The following RLF variants were observed in gnomAD, a reference collection of about 807,000 sequenced individuals.
RLF encodes the protein RLF zinc finger.
A neutral mutation model predicts 162.9 loss-of-function variants in RLF; 7 were observed. The observed-to-expected ratio is 0.04, with a 90% CI of 0.02 to 0.08. The LOEUF (loss-of-function observed/expected upper bound fraction) is 0.08, where lower values mean the gene tolerates loss of function less well. RLF is among the 10% of genes least tolerant of loss of function. The pLI is 1.00. For synonymous variants in RLF, 782 were observed against 791.5 expected (o/e 0.99, Z 0.20); for missense variants, 1,664 against 2,244.7 (o/e 0.74, Z 5.23).
chr1:40,176,273 C>A (rs563422126), intron 1 of RLF, among the ~76,000 whole-genome samples: 1 of 152,304 alleles, frequency 6.6e-6, no homozygotes, highest in South Asian at 2.1e-4. Flanking sequence ...GGTGGAATGG[C>A]TGGGTCAGAT....
rs191684820 is a variant in RLF at position 40,209,009 on chromosome 1, C to T, written c.810+6395C>T. Among the ~76,000 whole-genome samples, 232 of 152,282 alleles carry T rather than the reference C, an allele frequency of 1.5e-3. 1 individual carries two copies. The highest frequency in any genetic ancestry group is 5.4e-3 in the African/African-American group (223 of 41,540). On this transcript the variant is annotated intron_variant, in intron 5 of 7. Coordinates refer to ENST00000372771, the MANE Select transcript of RLF (RefSeq NM_012421.4). ...TCATGTACATGATCCAACTCACTGT[C>T]ACTGCCAACCTTCTGGTTCTTTCTG... is the stretch of plus-strand genomic sequence containing the variant.
Position 40,240,588 on chromosome 1 carries a change from A to G in RLF, c.*141A>G, listed in dbSNP as rs1338720700. 1.6e-5 allele frequency: 10 copies of G among 632,768 alleles called. No individual in the cohort carries two copies. Among genetic ancestry groups the G allele is most frequent in the Middle Eastern group, 2.5e-4 (1 of 3,936 alleles). 39.2% of individuals were successfully genotyped at this position (632,768 alleles called of 1,614,324 possible). ...GTATTTACATGAATGTATAATATCT[A>G]TGTCAGCAGTATTGGCTGAGTCCAT... On this transcript the variant is annotated 3_prime_UTR_variant, in exon 8 of 8. Transcript: ENST00000372771.
chr1:40,224,622 G>GT (rs1557757506), intron 6 of RLF, among the ~76,000 whole-genome samples: 60 of 13,424 alleles, frequency 4.5e-3, no homozygotes, highest in South Asian at 5.7e-3. Flanking sequence ...GTTTTTGAAA[G>GT]CTTTTTTTTT....
At chr1:40,189,470 C>T (rs1194431302) in intron 2 of RLF, among the ~76,000 whole-genome samples, 1 of 152,116 alleles carries the variant, frequency 6.6e-6, no homozygotes, top group Non-Finnish European at 1.5e-5. Context: ...ATTTCTATCC[C>T]TTAGGTATAG....
intron 3 of RLF, among the ~76,000 whole-genome samples, chr1:40,193,938 G>A (rs114191167): frequency 1.1e-3 from 162 of 152,206 alleles, no homozygotes; most frequent in African/African-American, 3.5e-3. Flanking sequence ...GGAAGCTTAT[G>A]TTCCTAGAGA....
chr1:40,225,110 A>G (rs1238330759), intron 6 of RLF, among the ~76,000 whole-genome samples: 2 of 152,174 alleles, frequency 1.3e-5, no homozygotes, highest in Non-Finnish European at 2.9e-5. Context: ...AAAATTTTAA[A>G]TTAAGTGGTA....
chr1:40,195,449 TAAA>T (rs75503457), intron 3 of RLF, among the ~76,000 whole-genome samples, 180 bp from the exon 4 acceptor site: 2 of 141,784 alleles, frequency 1.4e-5, no homozygotes, highest in African/African-American at 2.6e-5. Context: ...ATTCTGTCTT[TAAA>T]AAAAAAAAAA....
chr1:40,232,216 TAAAAAA>T (rs536086286), intron 7 of RLF, among the ~76,000 whole-genome samples: 1 of 140,824 alleles, frequency 7.1e-6, no homozygotes, highest in African/African-American at 2.6e-5. Flanking sequence ...TTTTTTTTTT[TAAAAAA>T]AAAAAAAAGA....
rs1643249797 is a variant in RLF at position 40,238,711 on chromosome 1, TACA to T, written c.4014_4016del (p.Asn1338del). The T allele has an allele frequency of 6.2e-7, 1 of 1,613,820 alleles. No homozygotes were observed. On this transcript the variant is annotated inframe_deletion, in exon 8 of 8. Transcript: ENST00000372771. The surrounding 1 kb of genome is among the most constrained non-coding windows in gnomAD (Gnocchi z 5.2). ...TCGCCATTACAGAACTGTACATCAG[TACA>T]ACAAAGAACAGTTATGTTTGGAGAA...
rs529374639 is a variant in RLF at position 40,169,709 on chromosome 1, T to G, written c.237+8073T>G. ...GTTGGGATAAGCTTTTTTTTTTTTT[T>G]GAGATGAAGTTTCGCTTTTGTTGCC... is the stretch of plus-strand genomic sequence containing the variant. On this transcript the variant is annotated intron_variant, in intron 1 of 7. Transcript: ENST00000372771. 5.4e-5 allele frequency among the ~76,000 whole-genome samples: 8 copies of G among 147,922 alleles called. No individual in the cohort carries two copies. In the South Asian group the frequency reaches 1.7e-3, roughly 31 times the overall value.
chr1:40,163,077 G>A (rs1642118685), intron 1 of RLF, among the ~76,000 whole-genome samples: 1 of 152,094 alleles, frequency 6.6e-6, no homozygotes, highest in African/African-American at 2.4e-5. Context: ...TGAGGAGAGA[G>A]CCTTCATGGG....
chr1:40,213,278 T>G (rs1473429893), intron 5 of RLF, among the ~76,000 whole-genome samples: 1 of 152,210 alleles, frequency 6.6e-6, no homozygotes. Context: ...TCATGGGTTA[T>G]GTGTGGGTAT....
At chr1:40,222,291 A>G (rs1421028672) in intron 5 of RLF, among the ~76,000 whole-genome samples, 2 of 152,230 alleles carry the variant, frequency 1.3e-5, no homozygotes, top group Non-Finnish European at 2.9e-5. Flanking sequence ...ACCTGAGATT[A>G]TTATATATAA....
In RLF at chr1:40,200,914, A is replaced by AGTGGTTTAT. The variant is rs1557748507; in HGVS notation, c.608-1498_608-1497insGTGGTTTAT. Among the ~76,000 whole-genome samples, 6 of 122,200 alleles carry AGTGGTTTAT rather than the reference A, an allele frequency of 4.9e-5. 1 individual carries two copies. The highest frequency in any genetic ancestry group is 5.3e-4 in the South Asian group (2 of 3,762). 80.2% of individuals were successfully genotyped at this position (122,200 alleles called of 152,430 possible). A position where few individuals can be genotyped will look rare whatever the true frequency, so the allele number is the denominator to read the frequency against. On this transcript the variant is annotated intron_variant, in intron 4 of 7. Coordinates refer to ENST00000372771, the MANE Select transcript of RLF (RefSeq NM_012421.4). ...CACACACACACACACACACACACAC[A>AGTGGTTTAT]CACACACACACACACACACACACAC...
intron 4 of RLF, among the ~76,000 whole-genome samples, chr1:40,197,984 G>A (rs1468430625): frequency 1.3e-5 from 2 of 152,122 alleles, no homozygotes; most frequent in African/African-American, 4.8e-5. Flanking sequence ...CAGTAAAGAT[G>A]CCATGGAAGA....
chr1:40,195,779 T>A lies in RLF; in HGVS notation c.607+15T>A. On this transcript the variant is annotated intron_variant, in intron 4 of 7. Transcript: ENST00000372771. ...AACGGAGGAAGGTAAGTCTTAAGAC[T>A]ATATTGGATGAGGATTTAGTTCTGA... is the stretch of plus-strand genomic sequence containing the variant. The A allele has an allele frequency of 6.2e-7, 1 of 1,601,742 alleles. No individual in the cohort carries two copies. Among genetic ancestry groups the A allele is most frequent in the South Asian group, 1.1e-5 (1 of 88,436 alleles).
At chr1:40,233,387 A>G (rs1643176950) in intron 7 of RLF, among the ~76,000 whole-genome samples, 1 of 152,174 alleles carries the variant, frequency 6.6e-6, no homozygotes, top group Non-Finnish European at 1.5e-5. Flanking sequence ...GCTGTTTAAG[A>G]AAGAATGGCC....
intron 2 of RLF, among the ~76,000 whole-genome samples, chr1:40,190,470 A>G (rs538877139): frequency 3.9e-5 from 6 of 152,264 alleles, no homozygotes; most frequent in African/African-American, 9.6e-5. Flanking sequence ...ATTGTCCTAT[A>G]TGGGTGCCTC....
In RLF at chr1:40,237,264, G is replaced by A; in HGVS notation, c.2562G>A (p.Gln854=). The change falls in exon 8 of 8, where the codon CAG becomes CAA. Residue 854 remains glutamine (Q), a synonymous_variant. Coordinates refer to ENST00000372771, the MANE Select transcript of RLF (RefSeq NM_012421.4). This position sits in a 1 kb window ranked among gnomAD's most constrained non-coding sequence, Gnocchi z 4.4. The part of the protein sequence containing the change: ...ATGEKQDCIN[Q]PHLLNQTDKS... ...GTGAAAAGCAAGATTGTATTAATCA[G>A]CCCCATCTACTTAACCAAACTGATA... 6.2e-7 allele frequency: 1 copy of A among 1,614,002 alleles called. No individual in the cohort carries two copies. Among genetic ancestry groups the A allele is most frequent in the Non-Finnish European group, 8.5e-7 (1 of 1,179,990 alleles).
Sources: gnomAD v4.1 joint callset for allele counts (sites outside exome capture counted in the v4.1 genomes callset) on GRCh38, gnomAD v4.1.1 for gene constraint, Gnocchi (gnomAD v3.1) non-coding constraint, MANE v1.5 for transcripts, NCBI Gene and HGNC (gene_info 2026-07-23, HGNC 2026-07-21) for gene names.